PCNX2: variants seen among roughly 807,000 people sequenced by gnomAD.
PCNX2 encodes the protein pecanex 2.
Under a neutral mutation model 223.8 loss-of-function variants are expected in PCNX2, and 168 were observed. The ratio of observed to expected loss-of-function variants is 0.75; its 90% CI spans 0.66 to 0.85. PCNX2 has a LOEUF of 0.85. Among genes scored for constraint, PCNX2 ranks in the 40% least tolerant of loss-of-function variants. The probability of loss-of-function intolerance (pLI) is 0.00; values close to 1 mark genes in which losing one functional copy is unlikely to be tolerated. For missense variants in PCNX2, 2,507 were observed against 2,675.5 expected, an observed-to-expected ratio of 0.94 and a Z score of 1.39; for synonymous variants, 1,006 against 1,052.6, an observed-to-expected ratio of 0.96 and a Z score of 0.86.
chr1:233,144,201 C>T (rs1677293365), intron 19 of PCNX2, among the ~76,000 whole-genome samples: 2 of 151,972 alleles, frequency 1.3e-5, no homozygotes, highest in South Asian at 4.2e-4. Flanking sequence ...AAAAAAATAC[C>T]CTCTTTTGGC....
chr1:233,290,469 A>T (rs1661697690), intron 1 of PCNX2, among the ~76,000 whole-genome samples: 1 of 152,320 alleles, frequency 6.6e-6, no homozygotes, highest in South Asian at 2.1e-4. Context: ...GCACACAGTA[A>T]AATTATTTCA....
In PCNX2 at chr1:232,998,242, T is replaced by C. The variant is rs1669945924; in HGVS notation, c.5791+9A>G. The C allele has an allele frequency of 1.9e-6, 3 of 1,546,946 alleles. No individual in the cohort carries two copies. The highest frequency in any genetic ancestry group is 2.6e-6 in the Non-Finnish European group (3 of 1,147,264). ...TCATCGATAGTTTGGAGGCCCCTGCTGCACCCACCTGTTCTCTGTGTCCCT... is the reference window on the plus strand; with the variant it reads ...TCATCGATAGTTTGGAGGCCCCTGCCGCACCCACCTGTTCTCTGTGTCCCT... On this transcript the variant is annotated intron_variant, in intron 32 of 33. Coordinates refer to ENST00000258229, the MANE Select transcript of PCNX2 (RefSeq NM_014801.4).
intron 23 of PCNX2, among the ~76,000 whole-genome samples, chr1:233,089,077 T>C (rs72763905): frequency 1.6e-4 from 25 of 152,322 alleles, no homozygotes; most frequent in Non-Finnish European, 2.4e-4. Context: ...GCAAATTTTA[T>C]AAACCATCTC....
At chr1:233,173,476 T>TC (rs1459767722) in intron 17 of PCNX2, among the ~76,000 whole-genome samples, 2 of 152,230 alleles carry the variant, frequency 1.3e-5, no homozygotes, top group Admixed American at 1.3e-4. Flanking sequence ...CAGTCTTCAC[T>TC]CTTAAATCTA....
intron 26 of PCNX2, among the ~76,000 whole-genome samples, chr1:233,022,695 C>CTTTTTTTTT (rs372153367): frequency 2.3e-5 from 3 of 128,670 alleles, no homozygotes; most frequent in Non-Finnish European, 4.8e-5. Flanking sequence ...CTTTTTCTTT[C>CTTTTTTTTT]TTTTTTTTTT....
chr1:233,067,805 C>T (rs987775286), intron 23 of PCNX2, among the ~76,000 whole-genome samples: 5 of 152,052 alleles, frequency 3.3e-5, no homozygotes, highest in Non-Finnish European at 7.3e-5. Flanking sequence ...AAGTTCCCAA[C>T]AGCAGAATGA....
chr1:233,246,021 A>C (rs12048039), intron 8 of PCNX2, among the ~76,000 whole-genome samples: 95,938 of 152,098 alleles, frequency 0.63, 30,390 homozygotes, highest in African/African-American at 0.68. Context: ...GTGGAAAAAA[A>C]CGGAAAATCC....
In PCNX2 at chr1:233,236,863, G is replaced by T. The variant is rs909874567; in HGVS notation, c.2340C>A (p.Thr780=). ...TACGTACCCGTGGGGTTTCCGACTG[G>T]GTCCTGCGAGCCACCATCAGTAACA... ...QQLLLMVARR[T]QSETPRHVSQ... Residue 780 remains threonine (T), a synonymous_variant, in exon 9 of 34, where the codon ACC becomes ACA. Coordinates refer to ENST00000258229, the MANE Select transcript of PCNX2 (RefSeq NM_014801.4). 1 of 1,613,848 alleles carries T rather than the reference G, an allele frequency of 6.2e-7. No homozygotes were observed. The highest frequency in any genetic ancestry group is 1.1e-5 in the South Asian group (1 of 91,076).
chr1:233,285,709 G>A (rs776110068), intron 1 of PCNX2, among the ~76,000 whole-genome samples: 2 of 152,084 alleles, frequency 1.3e-5, no homozygotes, highest in Non-Finnish European at 2.9e-5. Flanking sequence ...AAAAAACTTG[G>A]TAAAGCCAAA....
At chr1:233,018,530 A>C (rs1482592212) in intron 26 of PCNX2, among the ~76,000 whole-genome samples, 1 of 152,208 alleles carries the variant, frequency 6.6e-6, no homozygotes, top group Admixed American at 6.5e-5. Flanking sequence ...AGCTTTGTGG[A>C]AAGCCATTTT....
chr1:233,163,635 TATG>T (rs1228649345), intron 17 of PCNX2, among the ~76,000 whole-genome samples: 1 of 151,750 alleles, frequency 6.6e-6, no homozygotes, highest in African/African-American at 2.4e-5. Context: ...TAACCAGAAT[TATG>T]ATAACTAGCA....
At chr1:233,318,919 C>G in the PCNX2 span, among the ~76,000 whole-genome samples, 3 of 152,124 alleles carry the variant, frequency 2.0e-5, no homozygotes, top group Non-Finnish European at 4.4e-5. Flanking sequence ...GAAGTCCCCA[C>G]TTACGTTTCA....
chr1:233,043,529 T>C (rs1671717073), intron 25 of PCNX2, among the ~76,000 whole-genome samples: 2 of 151,136 alleles, frequency 1.3e-5, no homozygotes, highest in South Asian at 4.2e-4. Flanking sequence ...TAGCATTAGG[T>C]ATATCTCCTA....
intron 25 of PCNX2, among the ~76,000 whole-genome samples, chr1:233,037,713 A>T (rs1175644860): frequency 6.6e-6 from 1 of 152,176 alleles, no homozygotes; most frequent in Non-Finnish European, 1.5e-5. Context: ...AGGTTCGGAT[A>T]ATTTATAACT....
intron 17 of PCNX2, among the ~76,000 whole-genome samples, chr1:233,175,824 T>C (rs1196297108): frequency 6.6e-6 from 1 of 152,244 alleles, no homozygotes; most frequent in East Asian, 1.9e-4. Flanking sequence ...ATTTGTCCTT[T>C]GATTCCCTTG....
intron 21 of PCNX2, among the ~76,000 whole-genome samples, chr1:233,105,368 C>G (rs938188673): frequency 6.6e-6 from 1 of 152,110 alleles, no homozygotes; most frequent in Non-Finnish European, 1.5e-5. Flanking sequence ...ATAAACATCC[C>G]TTACAAACTA....
In PCNX2 at chr1:233,000,315, T is replaced by C. The variant is rs116467047; in HGVS notation, c.5318A>G (p.Lys1773Arg). The change falls in exon 30 of 34, where the codon AAG (lysine) becomes AGG (arginine). Residue 1773 changes from lysine to arginine, a missense_variant. By Grantham distance (26) the Lys-to-Arg change is conservative. Transcript: ENST00000258229. The surrounding 1 kb of genome is among the most constrained non-coding windows in gnomAD (Gnocchi z 4.6). ...GTGTGGCCGCCATACCTTGATCACC[T>C]TGAAGCTCAGGAAGCTTCTGTGGAG... ...IMLHRSFLSF[K>R]VIKVNKECVR... 915 of 1,613,904 alleles carry C rather than the reference T, an allele frequency of 5.7e-4. 4 individuals carry two copies. In the African/African-American group the frequency reaches 0.011, roughly 20 times the overall value.
intron 21 of PCNX2, chr1:233,134,748 TA>T: frequency 1.9e-6 from 1 of 524,796 alleles, no homozygotes; most frequent in Non-Finnish European, 3.3e-6. Flanking sequence ...ATGAGATTGT[TA>T]ACAGAGAAGA....
chr1:233,222,144 C>T (rs1657417464), intron 10 of PCNX2, among the ~76,000 whole-genome samples: 1 of 152,116 alleles, frequency 6.6e-6, no homozygotes, highest in South Asian at 2.1e-4. Context: ...GTTCCATGCG[C>T]AGGAACTGCC....
Sources: allele counts gnomAD v4.1 joint callset (sites outside exome capture counted in the v4.1 genomes callset), GRCh38; gene constraint gnomAD v4.1.1; non-coding constraint Gnocchi (gnomAD v3.1); transcripts MANE v1.5; gene names NCBI Gene and HGNC (gene_info 2026-07-23, HGNC 2026-07-21).